Variants in SPATS2L observed in about 807,000 individuals in gnomAD.
The protein encoded by SPATS2L is spermatogenesis associated serine rich 2 like, also known as SPATS2-like protein.
A neutral mutation model predicts 59.6 loss-of-function variants in SPATS2L; 30 were observed. The ratio of observed to expected loss-of-function variants is 0.50; its 90% CI spans 0.38 to 0.68. The LOEUF (loss-of-function observed/expected upper bound fraction) is 0.68. Among genes scored for constraint, SPATS2L ranks in the 30% least tolerant of loss-of-function variants. The pLI is 0.00. For synonymous variants in SPATS2L, 252 were observed against 263.5 expected, an observed-to-expected ratio of 0.96 and a Z score of 0.42; for missense variants, 615 against 700.0, an observed-to-expected ratio of 0.88 and a Z score of 1.37.
intron 8 of SPATS2L, among the ~76,000 whole-genome samples, chr2:200,446,782 G>A (rs1225054737): frequency 6.6e-6 from 1 of 152,122 alleles, no homozygotes; most frequent in Admixed American, 6.6e-5. Context: ...ATATGAAAGA[G>A]GGACTTTCCA....
intron 3 of SPATS2L, among the ~76,000 whole-genome samples, chr2:200,403,208 A>G (rs1161713701): frequency 2.6e-5 from 4 of 152,204 alleles, no homozygotes; most frequent in Non-Finnish European, 4.4e-5. Flanking sequence ...TGCAGGTCTC[A>G]CAGTCCTCTG....
intron 2 of SPATS2L, among the ~76,000 whole-genome samples, chr2:200,361,779 T>C (rs2081114550): frequency 6.6e-6 from 1 of 152,364 alleles, no homozygotes; most frequent in African/African-American, 2.4e-5. Context: ...AAGGATTATT[T>C]ACTGGTTTCT....
intron 2 of SPATS2L, among the ~76,000 whole-genome samples, chr2:200,331,866 A>G (rs566618675): frequency 6.6e-6 from 1 of 152,300 alleles, no homozygotes; most frequent in South Asian, 2.1e-4. Context: ...ATTGTCATCT[A>G]AGTATGTCCC....
chr2:200,367,564 A>G (rs1474970567), intron 2 of SPATS2L, among the ~76,000 whole-genome samples: 2 of 152,252 alleles, frequency 1.3e-5, no homozygotes, highest in African/African-American at 2.4e-5. Flanking sequence ...TTTATTTCAT[A>G]TGGAAAATAA....
At chr2:200,378,085 G>T in intron 2 of SPATS2L, 1 of 276,000 alleles carries the variant, frequency 3.6e-6, no homozygotes, top group South Asian at 1.4e-4. Context: ...ACACTGGGCA[G>T]TTTCACAAAA....
chr2:200,411,275 T>C (rs1051386418), intron 3 of SPATS2L, among the ~76,000 whole-genome samples: 8 of 152,108 alleles, frequency 5.3e-5, no homozygotes, highest in African/African-American at 1.9e-4. Context: ...AATCAGGAAA[T>C]AGGCCATCTT....
At position 200,378,263 on chromosome 2, in the gene SPATS2L, T is replaced by C. The variant is rs540968032; in HGVS notation, c.-22-10960T>C. 86 of 1,002,456 alleles carry C rather than the reference T, an allele frequency of 8.6e-5. 1 individual carries two copies. The South Asian group carries it at 3.3e-3, about 39-fold the overall frequency. 62.1% of individuals were successfully genotyped at this position (1,002,456 alleles called of 1,614,324 possible). On this transcript the variant is annotated intron_variant, in intron 2 of 12. Transcript: ENST00000409140. ...ACTTACTGGTCACAGTAAAAGCAAG[T>C]TGATAAAGGTGGCCAGTGGGGGAAC...
Position 200,467,339 on chromosome 2 carries a change from C to G in SPATS2L, c.897C>G (p.Leu299=). The change falls in exon 10 of 13, where the codon CTC becomes CTG. Residue 299 remains leucine, a synonymous_variant. Coordinates refer to ENST00000409140, the MANE Select transcript of SPATS2L (RefSeq NM_001100423.2). ...AGAAAGCAGAAGAACTAAAGAGACT[C>G]ACTGACCTTGCCAGTCAGATGGCAG... ...RQKKAEELKR[L]TDLASQMAEM... The G allele has an allele frequency of 6.2e-7, 1 of 1,614,048 alleles. No homozygotes were observed. Among genetic ancestry groups the G allele is most frequent in the Non-Finnish European group, 8.5e-7 (1 of 1,179,880 alleles).
rs529907580 is a variant in SPATS2L, at chr2:200,427,642, C to T, written c.445+8146C>T. ...AGTTACCACCTTTATGCCCTCTGAG[C>T]TCATCAAGCTTCATAGGATTTGAAT... On this transcript the variant is annotated intron_variant, in intron 6 of 12. Coordinates refer to ENST00000409140, the MANE Select transcript of SPATS2L (RefSeq NM_001100423.2). Among the ~76,000 whole-genome samples, 231 of 151,916 alleles carry T rather than the reference C, an allele frequency of 1.5e-3. 1 individual carries two copies. Among genetic ancestry groups the T allele is most frequent in the Non-Finnish European group, 1.0e-4 (7 of 67,962 alleles).
At chr2:200,318,151 A>G (rs1016119207) in intron 1 of SPATS2L, among the ~76,000 whole-genome samples, 2 of 152,352 alleles carry the variant, frequency 1.3e-5, no homozygotes, top group Admixed American at 6.5e-5. Context: ...CCTGATCGAC[A>G]AGTGTTTATT....
intron 2 of SPATS2L, among the ~76,000 whole-genome samples, chr2:200,385,066 G>A (rs1293537480): frequency 6.6e-6 from 1 of 152,170 alleles, no homozygotes; most frequent in Non-Finnish European, 1.5e-5. Flanking sequence ...TTCTCAAGAA[G>A]TCAAAGATCC....
At chr2:200,401,158 C>A (rs1407614782) in intron 3 of SPATS2L, among the ~76,000 whole-genome samples, 2 of 152,008 alleles carry the variant, frequency 1.3e-5, no homozygotes, top group African/African-American at 4.8e-5. Context: ...CCAGACTAGC[C>A]CATCAACACA....
chr2:200,306,023 T>C, upstream of SPATS2L: 1 of 985,334 alleles, frequency 1.0e-6, no homozygotes, highest in Non-Finnish European at 1.2e-6. Context: ...TGCCCATGTG[T>C]AACTTGGTTA....
At chr2:200,421,798 A>G (rs557960918) in intron 6 of SPATS2L, among the ~76,000 whole-genome samples, 38 of 152,382 alleles carry the variant, frequency 2.5e-4, no homozygotes, top group African/African-American at 8.9e-4. Flanking sequence ...AAGAAATTAA[A>G]TAATCGAGTG....
chr2:200,430,465 C>G (rs770698639), intron 6 of SPATS2L, among the ~76,000 whole-genome samples: 9 of 151,586 alleles, frequency 5.9e-5, no homozygotes, highest in Non-Finnish European at 1.0e-4. Flanking sequence ...ATCCTGCCCC[C>G]CAGAAACAAC....
In SPATS2L at chr2:200,324,593, TGAAAG is replaced by T. The variant is rs572979652; in HGVS notation, c.-72-4832_-72-4828del. ...AGAGGAACAAAGGGAAATCAGGTCTTGAAAGGAAAGAATGTGCATGCCTTAGGTAA... is the reference window on the plus strand; with the variant it reads ...AGAGGAACAAAGGGAAATCAGGTCTTGAAAGAATGTGCATGCCTTAGGTAA... On this transcript the variant is annotated intron_variant, in intron 1 of 12. Transcript: ENST00000409140. Among the ~76,000 whole-genome samples the T allele has an allele frequency of 3.7e-3, 567 of 152,290 alleles. 1 individual carries two copies. The highest frequency in any genetic ancestry group is 5.4e-3 in the Non-Finnish European group (365 of 68,018).
chr2:200,329,781 C>CAA (rs3036485), intron 2 of SPATS2L, among the ~76,000 whole-genome samples: 49,378 of 144,708 alleles, frequency 0.34, 9,901 homozygotes, highest in East Asian at 0.68. Context: ...TTTGAAGTAC[C>CAA]AAAAAAAAAA....
chr2:200,364,851 T>G (rs1016385567), intron 2 of SPATS2L, among the ~76,000 whole-genome samples: 41 of 152,160 alleles, frequency 2.7e-4, no homozygotes, highest in African/African-American at 9.7e-4. Flanking sequence ...CCCAGGTGGG[T>G]TGGGCATTCT....
chr2:200,354,226 G>A (rs1286396650), intron 2 of SPATS2L, among the ~76,000 whole-genome samples: 2 of 152,146 alleles, frequency 1.3e-5, no homozygotes, highest in Non-Finnish European at 2.9e-5. Context: ...GATGTTCCTC[G>A]CTCTCATACA....
Sources: allele counts gnomAD v4.1 joint callset (sites outside exome capture counted in the v4.1 genomes callset), GRCh38; gene constraint gnomAD v4.1.1; transcripts MANE v1.5; gene names NCBI Gene and HGNC (gene_info 2026-07-23, HGNC 2026-07-21).